Variants in OAS3 observed in about 807,000 individuals in gnomAD.
OAS3 encodes 2'-5'-oligoadenylate synthetase 3.
In OAS3, 107 loss-of-function variants were observed where a neutral mutation model predicts 113.0. That is an observed-to-expected ratio of 0.95 (90% CI 0.81 to 1.11). The LOEUF is 1.11. Ranked by LOEUF, OAS3 falls within the 50% of genes most tolerant of loss-of-function variation. The pLI, the probability that OAS3 is intolerant of heterozygous loss-of-function variation, is 0.00. For synonymous variants in OAS3, 552 were observed against 573.6 expected, an observed-to-expected ratio of 0.96 and a Z score of 0.54; for missense variants, 1,258 against 1,389.1, an observed-to-expected ratio of 0.91 and a Z score of 1.50.
chr12:112,959,853 C>G (rs2043866892), intron 7 of OAS3, among the ~76,000 whole-genome samples: 2 of 152,080 alleles, frequency 1.3e-5, no homozygotes, highest in Admixed American at 6.5e-5. Context: ...TTCTCTCTTT[C>G]TTAAATCAAT....
In OAS3 at chr12:112,970,051, C is replaced by T. The variant is rs7314920; in HGVS notation, c.*78C>T. The stretch of plus-strand genomic sequence containing the variant: ...TCAGCATGAGGAAATTCAGGGTCCC[C>T]TACCAGATGAGAGAGATTGTGTACA... On this transcript the variant is annotated 3_prime_UTR_variant, in exon 16 of 16. Coordinates refer to ENST00000228928, the MANE Select transcript of OAS3 (RefSeq NM_006187.4). 5.7e-4 allele frequency: 867 copies of T among 1,521,516 alleles called. 2 individuals are homozygous for T. The African/African-American group carries it at 0.01, about 18-fold the overall frequency. The allele number at this position is 1,521,516 out of a possible 1,614,324, so 94.3% of individuals were successfully genotyped here. A position where few individuals can be genotyped will look rare whatever the true frequency, so the allele number is the denominator to read the frequency against.
intron 7 of OAS3, among the ~76,000 whole-genome samples, chr12:112,956,973 AG>A (rs1593180845): frequency 1.3e-5 from 2 of 152,198 alleles, no homozygotes; most frequent in East Asian, 3.9e-4. Flanking sequence ...TGGGAGTCTA[AG>A]TATCTTTGTA....
In OAS3 at chr12:112,950,762, T is replaced by A; in HGVS notation, c.1444T>A (p.Cys482Ser). 6.2e-7 allele frequency: 1 copy of A among 1,614,024 alleles called. No individual in the cohort carries two copies. Among genetic ancestry groups the A allele is most frequent in the Non-Finnish European group, 8.5e-7 (1 of 1,179,888 alleles). The part of the protein sequence containing the change: ...CDVELIIFLN[C>S]FTDYKDQGPR... ...TGTTGAACTCATCATCTTCCTCAAC[T>A]GCTTCACGGACTACAAGGACCAGGG... The change falls in exon 7 of 16, where the codon TGC (cysteine) becomes AGC (serine). Residue 482 changes from cysteine (C) to serine (S), a missense_variant. Coordinates refer to ENST00000228928, the MANE Select transcript of OAS3 (RefSeq NM_006187.4).
intron 7 of OAS3, among the ~76,000 whole-genome samples, chr12:112,957,584 T>C (rs1007954725): frequency 2.6e-5 from 4 of 152,218 alleles, no homozygotes; most frequent in East Asian, 1.9e-4. Context: ...GTATTTCTCC[T>C]TCACTTATGA....
At chr12:112,966,325 CAG>C (rs1365433923) in intron 12 of OAS3, among the ~76,000 whole-genome samples, 1 of 152,236 alleles carries the variant, frequency 6.6e-6, no homozygotes, top group Non-Finnish European at 1.5e-5. Flanking sequence ...TCCTGAGCCC[CAG>C]TGTCTTTATC....
intron 7 of OAS3, among the ~76,000 whole-genome samples, chr12:112,959,276 C>T (rs933637520): frequency 7.2e-5 from 11 of 152,130 alleles, no homozygotes; most frequent in Non-Finnish European, 1.5e-4. Flanking sequence ...GGGAATTCCC[C>T]GACCCCTTGC....
intron 11 of OAS3, among the ~76,000 whole-genome samples, chr12:112,965,364 A>C (rs2043924002): frequency 6.6e-6 from 1 of 152,092 alleles, no homozygotes; most frequent in South Asian, 2.1e-4. Flanking sequence ...CCAAGCCCCA[A>C]CCCAGGAAAA....
Position 112,950,984 on chromosome 12 carries a change from G to A in OAS3, c.1657+9G>A, listed in dbSNP as rs763523424. 41 of 1,610,448 alleles carry A rather than the reference G, an allele frequency of 2.5e-5. 1 individual carries two copies. Among genetic ancestry groups the A allele is most frequent in the South Asian group, 3.3e-5 (3 of 90,976 alleles). On this transcript the variant is annotated intron_variant, in intron 7 of 15. Transcript: ENST00000228928. ...TGCCTTCGATGCTGTGGGTGAGGGCGCCCAGCCTGTCCCTTGGAGAGTGAT... is the reference window on the plus strand; with the variant it reads ...TGCCTTCGATGCTGTGGGTGAGGGCACCCAGCCTGTCCCTTGGAGAGTGAT...
Position 112,970,067 on chromosome 12 carries a change from A to G in OAS3, c.*94A>G. On this transcript the variant is annotated 3_prime_UTR_variant, in exon 16 of 16. Coordinates refer to ENST00000228928, the MANE Select transcript of OAS3 (RefSeq NM_006187.4). The stretch of plus-strand genomic sequence containing the variant: ...CAGGGTCCCCTACCAGATGAGAGAG[A>G]TTGTGTACATGTGTGTGTGAGCACA... 1 of 1,407,910 alleles carries G rather than the reference A, an allele frequency of 7.1e-7. No individual in the cohort carries two copies. Among genetic ancestry groups the G allele is most frequent in the Non-Finnish European group, 9.9e-7 (1 of 1,011,616 alleles). 87.2% of individuals were successfully genotyped at this position (1,407,910 alleles called of 1,614,324 possible).
At chr12:112,960,998 T>A in intron 7 of OAS3, 73 bp from the exon 8 acceptor site, 1 of 1,413,416 alleles carries the variant, frequency 7.1e-7, no homozygotes, top group Non-Finnish European at 9.8e-7. Context: ...TAAAGGCTGG[T>A]GAATGGATGG....
rs968227497 is a variant in OAS3, at chr12:112,964,152, C to T, written c.2230-83C>T. ...ACATGGGAGACAGTGGGAGTCTTGTCCTCAGAGGACATCAAGGGGCAGGGC... is the reference window on the plus strand; with the variant it reads ...ACATGGGAGACAGTGGGAGTCTTGTTCTCAGAGGACATCAAGGGGCAGGGC... On this transcript the variant is annotated intron_variant, in intron 10 of 15. Coordinates refer to ENST00000228928, the MANE Select transcript of OAS3 (RefSeq NM_006187.4). 1.1e-5 allele frequency: 16 copies of T among 1,401,778 alleles called. No homozygotes were observed. The African/African-American group carries it at 1.9e-4, about 16-fold the overall frequency. 86.8% of individuals were successfully genotyped at this position (1,401,778 alleles called of 1,614,324 possible). A position where few individuals can be genotyped will look rare whatever the true frequency, so the allele number is the denominator to read the frequency against.
intron 8 of OAS3, among the ~76,000 whole-genome samples, chr12:112,961,571 C>T (rs954250875): frequency 1.3e-5 from 2 of 152,096 alleles, no homozygotes; most frequent in Admixed American, 6.5e-5. Flanking sequence ...ATTACCCCCA[C>T]CACATGTCTA....
chr12:112,957,791 G>C (rs2043849298), intron 7 of OAS3, among the ~76,000 whole-genome samples: 1 of 152,144 alleles, frequency 6.6e-6, no homozygotes, highest in African/African-American at 2.4e-5. Context: ...TTTCAACTTT[G>C]GTGAATCTGA....
chr12:112,969,275 A>G, intron 14 of OAS3: 1 of 280,054 alleles, frequency 3.6e-6, no homozygotes, highest in Non-Finnish European at 6.9e-6. Flanking sequence ...ATTTTAGATA[A>G]GAAATACTCA....
At chr12:112,964,107 C>G in intron 10 of OAS3, 128 bp from the exon 11 acceptor site, 1 of 978,934 alleles carries the variant, frequency 1.0e-6, no homozygotes, top group Non-Finnish European at 1.5e-6. Flanking sequence ...ACCTACCCAC[C>G]AGCTGAGAAG....
chr12:112,969,822 G>A, intron 15 of OAS3, 67 bp downstream of exon 15: 1 of 1,597,792 alleles, frequency 6.3e-7, no homozygotes, highest in Non-Finnish European at 8.5e-7. Context: ...TCAGGGGAGG[G>A]ACATGATTCC....
At chr12:112,961,676 T>G (rs1445905601) in intron 8 of OAS3, among the ~76,000 whole-genome samples, 1 of 152,242 alleles carries the variant, frequency 6.6e-6, no homozygotes, top group African/African-American at 2.4e-5. Flanking sequence ...ACCAGAGCAC[T>G]TGAACAGAAA....
At chr12:112,946,162 G>GCA (rs2043726829) in intron 3 of OAS3, among the ~76,000 whole-genome samples, 1 of 152,064 alleles carries the variant, frequency 6.6e-6, no homozygotes, top group Admixed American at 6.5e-5. Flanking sequence ...AGCCAGGGGG[G>GCA]TCACTTTCTG....
In OAS3 at chr12:112,949,115, C is replaced by T. The variant is rs755806912; in HGVS notation, c.1284C>T (p.Pro428=). 6.2e-7 allele frequency: 1 copy of T among 1,613,904 alleles called. No homozygotes were observed. Among genetic ancestry groups the T allele is most frequent in the African/African-American group, 1.3e-5 (1 of 74,934 alleles). The change falls in exon 6 of 16, where the codon CCC becomes CCT. Residue 428 remains proline, a synonymous_variant. Transcript: ENST00000228928. ...RFIQDHLKPS[P]QFQEQVKKAI... is the part of the protein sequence containing the mutation. ...TCCAGGACCACCTGAAGCCGAGCCCCCAGTTCCAGGAGCAGGTGAAAAAGG... is the reference window on the plus strand; with the variant it reads ...TCCAGGACCACCTGAAGCCGAGCCCTCAGTTCCAGGAGCAGGTGAAAAAGG...
Sources: gnomAD v4.1 joint callset for allele counts (sites outside exome capture counted in the v4.1 genomes callset) on GRCh38, gnomAD v4.1.1 for gene constraint, MANE v1.5 for transcripts, NCBI Gene and HGNC (gene_info 2026-07-23, HGNC 2026-07-21) for gene names.